OTUD7B: variants seen among roughly 807,000 people sequenced by gnomAD.
OTUD7B encodes OTU deubiquitinase 7B, also known as OTU domain-containing protein 7B.
OTUD7B carries 34 observed loss-of-function variants against 82.2 expected under a neutral mutation model. The observed-to-expected ratio is 0.41, with a 90% CI of 0.31 to 0.55. The LOEUF is 0.55. Ranked by LOEUF, OTUD7B falls within the 20% of genes least tolerant of loss-of-function variation. The pLI is 0.20. For synonymous variants in OTUD7B, 398 were observed against 402.7 expected (o/e 0.99, Z 0.14); for missense variants, 944 against 1,062.1 (o/e 0.89, Z 1.55).
At chr1:149,946,325 T>A (rs1647734086) in intron 11 of OTUD7B, among the ~76,000 whole-genome samples, 2 of 151,968 alleles carry the variant, frequency 1.3e-5, no homozygotes, top group Admixed American at 6.6e-5. Flanking sequence ...ATCGTGTCAT[T>A]GCACTCCAGC....
intron 1 of OTUD7B, among the ~76,000 whole-genome samples, chr1:149,986,685 C>T (rs1175758550): frequency 6.6e-6 from 1 of 152,204 alleles, no homozygotes; most frequent in African/African-American, 2.4e-5. Context: ...CTGTCAAAAA[C>T]TTTAAAAAGT....
At chr1:150,062,705 TTTC>T in the OTUD7B span, among the ~76,000 whole-genome samples, 322 of 79,314 alleles carry the variant, frequency 4.1e-3, 3 homozygotes, top group South Asian at 0.049. Context: ...TTTCTTCTTC[TTTC>T]TTTTTTTTTT....
At chr1:150,062,340 C>A in the OTUD7B span, among the ~76,000 whole-genome samples, 2 of 152,184 alleles carry the variant, frequency 1.3e-5, no homozygotes, top group East Asian at 3.8e-4. Flanking sequence ...TTGGTATTAT[C>A]AGACATTTTA....
At chr1:149,999,419 T>A (rs1652131912) in intron 1 of OTUD7B, among the ~76,000 whole-genome samples, 1 of 152,190 alleles carries the variant, frequency 6.6e-6, no homozygotes, top group Non-Finnish European at 1.5e-5. Flanking sequence ...GACCAAGTAT[T>A]GTTCATGTCA....
chr1:150,028,494 T>C, the OTUD7B span, among the ~76,000 whole-genome samples: 1 of 152,218 alleles, frequency 6.6e-6, no homozygotes, highest in African/African-American at 2.4e-5. Context: ...AGTTCAATGG[T>C]ATTAAGCACA....
chr1:149,949,804 T>C, intron 8 of OTUD7B, 26 bp from the exon 9 acceptor site: 1 of 1,605,768 alleles, frequency 6.2e-7, no homozygotes, highest in Non-Finnish European at 8.5e-7. Flanking sequence ...AAGATTATTA[T>C]GAAGGCTGTG....
In OTUD7B at chr1:149,984,411, A is replaced by G. The variant is rs183493541; in HGVS notation, c.-66-6835T>C. 1.7e-3 allele frequency among the ~76,000 whole-genome samples: 259 copies of G among 152,232 alleles called. 2 individuals carry two copies. Among genetic ancestry groups the G allele is most frequent in the African/African-American group, 5.8e-3 (242 of 41,538 alleles). ...CTGGCTTATATATAAGATGAACACA[A>G]TCATCCTTACTTCTGCTCTCTTTGT... is the stretch of plus-strand genomic sequence containing the variant. On this transcript the variant is annotated intron_variant, in intron 1 of 11. Transcript: ENST00000581312.
intron 7 of OTUD7B, among the ~76,000 whole-genome samples, chr1:149,957,012 G>A (rs1399096325): frequency 3.9e-5 from 6 of 152,214 alleles, no homozygotes; most frequent in Admixed American, 2.0e-4. Flanking sequence ...TGTTATTACC[G>A]ATCGTCTGAA....
the OTUD7B span, among the ~76,000 whole-genome samples, chr1:150,016,294 C>G: frequency 6.6e-6 from 1 of 152,118 alleles, no homozygotes; most frequent in Non-Finnish European, 1.5e-5. Context: ...AGAGGGAACC[C>G]AGCCTGGTCT....
At position 149,998,740 on chromosome 1, in the gene OTUD7B, A is replaced by G. The variant is rs370099750; in HGVS notation, c.-67+11708T>C. ...GTTCTTAATGACTTTGACTGTTTCT[A>G]TAATATACTGGAAGCCTAACTTTTC... On this transcript the variant is annotated intron_variant, in intron 1 of 11. Transcript: ENST00000581312. Among the ~76,000 whole-genome samples the G allele has an allele frequency of 3.2e-4, 49 of 152,332 alleles. No homozygotes were observed. In the Middle Eastern group the frequency reaches 0.017, roughly 53 times the overall value.
At chr1:149,968,859 C>T (rs781983865) in intron 3 of OTUD7B, among the ~76,000 whole-genome samples, 3 of 151,678 alleles carry the variant, frequency 2.0e-5, no homozygotes, top group South Asian at 2.1e-4. Context: ...TACAGGCACA[C>T]GCCACCACAC....
chr1:150,058,785 A>G, the OTUD7B span, among the ~76,000 whole-genome samples: 4 of 152,148 alleles, frequency 2.6e-5, no homozygotes, highest in Non-Finnish European at 5.9e-5. Flanking sequence ...TTGGTATTTC[A>G]TTAGACAGCC....
At chr1:149,959,857 C>G in intron 6 of OTUD7B, 61 bp from the exon 7 acceptor site, 1 of 1,002,110 alleles carries the variant, frequency 1.0e-6, no homozygotes, top group Non-Finnish European at 1.6e-6. Flanking sequence ...AGAGGCAATA[C>G]CTATTCCACC....
At position 149,964,256 on chromosome 1, in the gene OTUD7B, C is replaced by T. The variant is rs1553776040; in HGVS notation, c.698G>A (p.Arg233His). The change falls in exon 6 of 12, where the codon CGC becomes CAC. Residue 233 changes from arginine (R) to histidine (H), a missense_variant. Transcript: ENST00000581312. ...KGVEKEALKR[R>H]WRWQQTQQNK... ...CTGCTGTGTCTGCTGCCACCTCCAG[C>T]GCCTTTTCAACGCTTCCTTCTCAAC... 10 of 1,613,784 alleles carry T rather than the reference C, an allele frequency of 6.2e-6. No homozygotes were observed. The highest frequency in any genetic ancestry group is 4.5e-5 in the East Asian group (2 of 44,892).
At chr1:150,016,167 C>A in the OTUD7B span, among the ~76,000 whole-genome samples, 2 of 152,050 alleles carry the variant, frequency 1.3e-5, no homozygotes, top group Non-Finnish European at 2.9e-5. Context: ...ATTTTTTGAG[C>A]CATTTCAAAT....
At chr1:150,013,898 G>T (rs1553787891), upstream of OTUD7B, among the ~76,000 whole-genome samples, 1 of 121,948 alleles carries the variant, frequency 8.2e-6, no homozygotes, top group Non-Finnish European at 1.6e-5. Context: ...CTCCAGCCGG[G>T]CAACAGAGTG....
chr1:150,019,187 C>T, the OTUD7B span, among the ~76,000 whole-genome samples: 20,235 of 152,106 alleles, frequency 0.13, 1,883 homozygotes, highest in East Asian at 0.33. Context: ...TCTCAATTCA[C>T]GTTGCTACAA....
chr1:150,037,034 T>C, the OTUD7B span, among the ~76,000 whole-genome samples: 2 of 152,186 alleles, frequency 1.3e-5, no homozygotes, highest in African/African-American at 4.8e-5. Context: ...AAACTACAAC[T>C]GTTAATTTTT....
At chr1:150,011,840 T>A (rs1559873713), upstream of OTUD7B, among the ~76,000 whole-genome samples, 1 of 152,226 alleles carries the variant, frequency 6.6e-6, no homozygotes, top group African/African-American at 2.4e-5. Context: ...AACTTTTCTT[T>A]CCCCTCACTT....
Sources: gnomAD v4.1 joint callset for allele counts (sites outside exome capture counted in the v4.1 genomes callset) on GRCh38, gnomAD v4.1.1 for gene constraint, MANE v1.5 for transcripts, NCBI Gene and HGNC (gene_info 2026-07-23, HGNC 2026-07-21) for gene names.